SYN3: variants seen among roughly 807,000 people sequenced by gnomAD.
SYN3 encodes synapsin-3.
Under a neutral mutation model 65.8 loss-of-function variants are expected in SYN3, and 35 were observed. The observed-to-expected ratio is 0.53, with a 90% CI of 0.41 to 0.70. SYN3 has a LOEUF of 0.70. SYN3 is among the 30% of genes least tolerant of loss of function. SYN3 has a pLI of 0.00. For missense variants in SYN3, 680 were observed against 749.0 expected (o/e 0.91, Z 1.08); for synonymous variants, 270 against 292.9 (o/e 0.92, Z 0.80).
At chr22:32,903,611 C>A (rs62234176) in intron 4 of SYN3, among the ~76,000 whole-genome samples, 8,420 of 152,222 alleles carry the variant, frequency 0.055, 257 homozygotes, top group Middle Eastern at 0.099. Flanking sequence ...GCTGCTGTAG[C>A]CCCTCACAGA....
chr22:32,918,783 C>T (rs929633203), intron 4 of SYN3, among the ~76,000 whole-genome samples: 1 of 152,202 alleles, frequency 6.6e-6, no homozygotes, highest in African/African-American at 2.4e-5. Context: ...ACACCATGGA[C>T]ATGCTTTACA....
chr22:32,565,170 C>CTGCACCCAAACAGTGCTCTT lies in SYN3; in HGVS notation c.775-23458_775-23457insAAGAGCACTGTTTGGGTGCA, dbSNP rs1569043567. ...CTGGGCTGCACCCAAACAGTGCTCT[C>CTGCACCCAAACAGTGCTCTT]GGACTGCACCCAAACAGTGCTCTCG... On this transcript the variant is annotated intron_variant, in intron 7 of 13. Coordinates refer to ENST00000358763, the MANE Select transcript of SYN3 (RefSeq NM_003490.4). 6.2e-4 allele frequency among the ~76,000 whole-genome samples: 86 copies of CTGCACCCAAACAGTGCTCTT among 138,774 alleles called. 1 individual carries two copies. The highest frequency in any genetic ancestry group is 1.8e-3 in the African/African-American group (67 of 37,372). The allele number at this position is 138,774 out of a possible 152,430, so 91.0% of individuals were successfully genotyped here.
intron 1 of SYN3, among the ~76,000 whole-genome samples, chr22:33,012,989 T>C (rs115114872): frequency 0.011 from 1,654 of 152,358 alleles, 35 homozygotes; most frequent in African/African-American, 0.037. Flanking sequence ...TTATCATCTG[T>C]GAGAGGTTTA....
chr22:32,867,754 T>C (rs1432738909), intron 5 of SYN3, among the ~76,000 whole-genome samples: 1 of 152,188 alleles, frequency 6.6e-6, no homozygotes, highest in African/African-American at 2.4e-5. Context: ...AGCTAATTCT[T>C]GTGTTTTTAG....
intron 2 of SYN3, among the ~76,000 whole-genome samples, chr22:32,996,997 C>T (rs575004128): frequency 4.0e-5 from 6 of 151,512 alleles, no homozygotes; most frequent in Non-Finnish European, 7.4e-5. Flanking sequence ...GGGTGTGAGG[C>T]CCCAGGGTCC....
chr22:32,635,591 G>T (rs565769418), intron 6 of SYN3, among the ~76,000 whole-genome samples: 6 of 152,342 alleles, frequency 3.9e-5, no homozygotes, highest in South Asian at 4.1e-4. Context: ...CTGGTGCAAT[G>T]CTGGGTTTCT....
chr22:32,550,889 C>A (rs895339362), intron 7 of SYN3, among the ~76,000 whole-genome samples: 1 of 152,058 alleles, frequency 6.6e-6, no homozygotes, highest in African/African-American at 2.4e-5. Context: ...CAAGAAGACA[C>A]ATAAATCAAC....
intron 6 of SYN3, among the ~76,000 whole-genome samples, chr22:32,628,580 G>T (rs1442786659): frequency 6.6e-6 from 1 of 152,102 alleles, no homozygotes; most frequent in Non-Finnish European, 1.5e-5. Context: ...GAGACAGAGA[G>T]GTTAAAAGTC....
At chr22:32,765,822 G>T (rs1314876650) in intron 6 of SYN3, among the ~76,000 whole-genome samples, 1 of 152,136 alleles carries the variant, frequency 6.6e-6, no homozygotes, top group Non-Finnish European at 1.5e-5. Flanking sequence ...TGAATGGTTG[G>T]AGCTTATGTG....
chr22:32,931,595 A>T, intron 3 of SYN3, 114 bp from the exon 4 acceptor site: 1 of 687,404 alleles, frequency 1.5e-6, no homozygotes, highest in Non-Finnish European at 2.6e-6. Flanking sequence ...CTCCCCTCAA[A>T]CTTAGGAAGT....
intron 6 of SYN3, among the ~76,000 whole-genome samples, chr22:32,764,566 G>T (rs548754899): frequency 1.3e-5 from 2 of 152,330 alleles, no homozygotes; most frequent in Non-Finnish European, 2.9e-5. Flanking sequence ...AGAACACTGG[G>T]CTGGAAGGCA....
chr22:32,899,138 T>C (rs1569312166), intron 4 of SYN3, among the ~76,000 whole-genome samples: 1 of 26,612 alleles, frequency 3.8e-5, no homozygotes, highest in Non-Finnish European at 8.8e-5. Context: ...AAAAATGAGA[T>C]GGTAGATTGA....
At chr22:32,938,590 C>T (rs2050844227) in intron 3 of SYN3, among the ~76,000 whole-genome samples, 1 of 150,342 alleles carries the variant, frequency 6.7e-6, no homozygotes, top group Non-Finnish European at 1.5e-5. Flanking sequence ...CAAAAAACAA[C>T]TGTCGGTATG....
At chr22:32,668,240 T>G (rs1601877479) in intron 6 of SYN3, among the ~76,000 whole-genome samples, 1 of 152,222 alleles carries the variant, frequency 6.6e-6, no homozygotes, top group East Asian at 1.9e-4. Flanking sequence ...GGTTTTACTT[T>G]AAAAGTAATC....
intron 6 of SYN3, among the ~76,000 whole-genome samples, chr22:32,687,859 G>A (rs1405223296): frequency 6.6e-6 from 1 of 152,174 alleles, no homozygotes; most frequent in Non-Finnish European, 1.5e-5. Flanking sequence ...TAAGTGCCAT[G>A]TAAGTGTCGG....
intron 6 of SYN3, among the ~76,000 whole-genome samples, chr22:32,841,407 G>C (rs2047898239): frequency 6.6e-6 from 1 of 152,176 alleles, no homozygotes; most frequent in Non-Finnish European, 1.5e-5. Context: ...AGTGAAGAAA[G>C]AGTGTTCCAG....
Position 32,581,795 on chromosome 22 carries a change from T to TC in SYN3, c.774+14878_774+14879insG, listed in dbSNP as rs1301435777. On this transcript the variant is annotated intron_variant, in intron 7 of 13. Coordinates refer to ENST00000358763, the MANE Select transcript of SYN3 (RefSeq NM_003490.4). ...CTTTTCTTTTCTTTCTTTCTTTCTT[T>TC]TTTTTTTTTTTTTTTTTTTGAGACA... Among the ~76,000 whole-genome samples the TC allele has an allele frequency of 2.4e-3, 237 of 96,862 alleles. 1 individual carries two copies. Among genetic ancestry groups the TC allele is most frequent in the East Asian group, 0.016 (66 of 4,050 alleles). The allele number at this position is 96,862 out of a possible 152,430, so 63.5% of individuals were successfully genotyped here.
chr22:32,777,423 G>A (rs916934500), intron 6 of SYN3, among the ~76,000 whole-genome samples: 1 of 151,906 alleles, frequency 6.6e-6, no homozygotes, highest in Non-Finnish European at 1.5e-5. Context: ...ACAGAAACCT[G>A]TTTAGGAAGA....
chr22:32,627,562 C>T (rs1016311252), intron 6 of SYN3, among the ~76,000 whole-genome samples: 3 of 152,054 alleles, frequency 2.0e-5, no homozygotes, highest in Non-Finnish European at 4.4e-5. Context: ...GAGACACCTC[C>T]CAAACCTAAC....
Sources: gnomAD v4.1 joint callset for allele counts (sites outside exome capture counted in the v4.1 genomes callset) on GRCh38, gnomAD v4.1.1 for gene constraint, MANE v1.5 for transcripts, NCBI Gene and HGNC (gene_info 2026-07-23, HGNC 2026-07-21) for gene names.